Variants in CPLX2 observed in about 807,000 individuals in gnomAD.
CPLX2 encodes the protein complexin-2.
In CPLX2, 5 loss-of-function variants were observed where a neutral mutation model predicts 16.3. The ratio of observed to expected loss-of-function variants is 0.31; its 90% confidence interval spans 0.16 to 0.64. The LOEUF is 0.64. CPLX2 is among the 30% of genes least tolerant of loss of function. CPLX2 has a pLI of 0.79. For synonymous variants in CPLX2, 89 were observed against 73.2 expected (o/e 1.22, Z -1.10); for missense variants, 144 against 181.4 (o/e 0.79, Z 1.18).
At chr5:175,859,515 G>A (rs1759323036) in intron 2 of CPLX2, among the ~76,000 whole-genome samples, 1 of 152,228 alleles carries the variant, frequency 6.6e-6, no homozygotes, top group Admixed American at 6.5e-5. Flanking sequence ...CACTGCTCTT[G>A]CAGGCAAATG....
intron 2 of CPLX2, among the ~76,000 whole-genome samples, chr5:175,820,428 T>C (rs1193944253): frequency 6.6e-6 from 1 of 152,196 alleles, no homozygotes; most frequent in African/African-American, 2.4e-5. Context: ...AACAGGCCAC[T>C]GGTGGGTTCC....
At chr5:175,802,296 A>C (rs1261750351) in intron 1 of CPLX2, among the ~76,000 whole-genome samples, 6 of 152,132 alleles carry the variant, frequency 3.9e-5, no homozygotes, top group Non-Finnish European at 8.8e-5. Context: ...CCTGTGATCA[A>C]AGACACCACT....
chr5:175,838,550 G>A (rs1043216991), intron 2 of CPLX2, among the ~76,000 whole-genome samples: 8 of 152,102 alleles, frequency 5.3e-5, no homozygotes, highest in South Asian at 2.1e-4. Flanking sequence ...GAGCCACCGC[G>A]CCCGGCCCCC....
chr5:175,820,577 A>G (rs1312623414), intron 2 of CPLX2, among the ~76,000 whole-genome samples: 4 of 152,194 alleles, frequency 2.6e-5, no homozygotes, highest in Non-Finnish European at 5.9e-5. Flanking sequence ...AAGGACTCTC[A>G]GCTCAGAGCC....
intron 2 of CPLX2, among the ~76,000 whole-genome samples, chr5:175,833,049 G>A (rs1267769666): frequency 2.0e-5 from 3 of 151,734 alleles, no homozygotes; most frequent in East Asian, 1.9e-4. Context: ...CCAGCTACTC[G>A]GGAGGCTGAG....
At chr5:175,799,250 G>T (rs1413210578) in intron 1 of CPLX2, among the ~76,000 whole-genome samples, 1 of 152,016 alleles carries the variant, frequency 6.6e-6, no homozygotes, top group Non-Finnish European at 1.5e-5. Context: ...AGGCTAGAAA[G>T]CTTAGCATTA....
chr5:175,874,178 T>G (rs1034542522), intron 1 of CPLX2, among the ~76,000 whole-genome samples: 1 of 152,140 alleles, frequency 6.6e-6, no homozygotes, highest in Non-Finnish European at 1.5e-5. Context: ...GGAGGCTGGA[T>G]GAGAGCTGAG....
intron 2 of CPLX2, among the ~76,000 whole-genome samples, chr5:175,861,213 C>T (rs2113689864): frequency 6.6e-6 from 1 of 152,228 alleles, no homozygotes; most frequent in East Asian, 1.9e-4. Flanking sequence ...ATTTGTTGAC[C>T]ATCCACAATC....
upstream of CPLX2, among the ~76,000 whole-genome samples, chr5:175,870,260 A>C (rs1471717102): frequency 6.6e-6 from 1 of 152,210 alleles, no homozygotes; most frequent in Non-Finnish European, 1.5e-5. Context: ...AGACTTCAGA[A>C]GGTGATTCTC....
At chr5:175,876,871 G>C (rs1443515125) in intron 1 of CPLX2, among the ~76,000 whole-genome samples, 2 of 152,138 alleles carry the variant, frequency 1.3e-5, no homozygotes, top group Non-Finnish European at 2.9e-5. Flanking sequence ...TAAATCGAAC[G>C]AAAACATCTT....
At chr5:175,846,472 C>T (rs1034318343) in intron 2 of CPLX2, among the ~76,000 whole-genome samples, 2 of 152,190 alleles carry the variant, frequency 1.3e-5, no homozygotes, top group African/African-American at 2.4e-5. Flanking sequence ...TCTGAGGAAT[C>T]TTCTAGGTTG....
intron 2 of CPLX2, among the ~76,000 whole-genome samples, chr5:175,828,951 G>T (rs1004548678): frequency 6.6e-6 from 1 of 152,094 alleles, no homozygotes; most frequent in East Asian, 1.9e-4. Context: ...AGTGAGGTCT[G>T]GGGGAGGAAA....
intron 2 of CPLX2, among the ~76,000 whole-genome samples, chr5:175,827,848 C>T (rs1306806705): frequency 6.6e-6 from 1 of 152,210 alleles, no homozygotes; most frequent in African/African-American, 2.4e-5. Context: ...CCAACTGCAA[C>T]TATTCATTCA....
At chr5:175,844,878 G>A (rs1759013395) in intron 2 of CPLX2, among the ~76,000 whole-genome samples, 1 of 152,240 alleles carries the variant, frequency 6.6e-6, no homozygotes, top group Non-Finnish European at 1.5e-5. Context: ...GGGAAGATGA[G>A]TCTTTGTCGA....
chr5:175,841,134 G>A (rs112184302), intron 2 of CPLX2, among the ~76,000 whole-genome samples: 14 of 152,212 alleles, frequency 9.2e-5, no homozygotes, highest in Admixed American at 1.3e-4. Flanking sequence ...AGACCTTGAG[G>A]TGAGTCTAAG....
chr5:175,804,847 C>G (rs1256951775), intron 1 of CPLX2, among the ~76,000 whole-genome samples: 1 of 152,170 alleles, frequency 6.6e-6, no homozygotes, highest in Non-Finnish European at 1.5e-5. Flanking sequence ...TGACTTCAGA[C>G]AAGAGGAAAA....
At chr5:175,871,996 GCCCGAACGGC>G (rs1198009417) in intron 1 of CPLX2, 1 of 151,406 alleles carries the variant, frequency 6.6e-6, no homozygotes, top group East Asian at 2.0e-4. Flanking sequence ...TCCGGGCAGA[GCCCGAACGGC>G]CGGGGTCCCG....
At chr5:175,827,120 G>C (rs1404382733) in intron 2 of CPLX2, among the ~76,000 whole-genome samples, 1 of 152,186 alleles carries the variant, frequency 6.6e-6, no homozygotes, top group African/African-American at 2.4e-5. Flanking sequence ...AAAAGTTCCA[G>C]AACTGAGTCT....
intron 2 of CPLX2, among the ~76,000 whole-genome samples, chr5:175,850,830 C>T (rs1581091525): frequency 1.3e-5 from 2 of 151,948 alleles, no homozygotes; most frequent in African/African-American, 4.8e-5. Flanking sequence ...TGAGTCGGAA[C>T]CAGGTGAGGG....
Sources: gnomAD v4.1 joint callset for allele counts (sites outside exome capture counted in the v4.1 genomes callset) on GRCh38, gnomAD v4.1.1 for gene constraint, MANE v1.5 for transcripts, NCBI Gene and HGNC (gene_info 2026-07-23, HGNC 2026-07-21) for gene names.